Variants in CDH23 observed in about 807,000 individuals in gnomAD.
The protein encoded by CDH23 is cadherin related 23.
A neutral mutation model predicts 317.1 loss-of-function variants in CDH23; 189 were observed. The observed-to-expected ratio is 0.60, with a 90% CI of 0.53 to 0.67. The LOEUF is 0.67. CDH23 is among the 30% of genes least tolerant of loss of function. The probability of loss-of-function intolerance (pLI) is 0.00; values close to 1 mark genes in which losing one functional copy is unlikely to be tolerated. For synonymous variants in CDH23, 1,839 were observed against 1,876.8 expected, an observed-to-expected ratio of 0.98 and a Z score of 0.52; for missense variants, 4,401 against 4,592.4, an observed-to-expected ratio of 0.96 and a Z score of 1.20.
intron 3 of CDH23, among the ~76,000 whole-genome samples, chr10:71,453,940 A>G (rs1850569053): frequency 1.3e-5 from 2 of 152,230 alleles, no homozygotes; most frequent in African/African-American, 4.8e-5. Context: ...CTACGAAAAA[A>G]AATATAGGGG....
At chr10:71,715,817 G>A in intron 28 of CDH23, 5 of 992,068 alleles carry the variant, frequency 5.0e-6, no homozygotes, top group Non-Finnish European at 7.0e-6. Flanking sequence ...CGGGGGGTGA[G>A]TGTGTGTCCC....
Position 71,797,176 on chromosome 10 carries a change from A to G in CDH23, c.6785A>G (p.Asp2262Gly). 1 of 1,613,608 alleles carries G rather than the reference A, an allele frequency of 6.2e-7. No homozygotes were observed. The highest frequency in any genetic ancestry group is 8.5e-7 in the Non-Finnish European group (1 of 1,179,736). ...TATGAGGTCACTCTCTCAGTGATTGACAATGCCAGCGACCTACCAGAGCGC... is the reference window on the plus strand; with the variant it reads ...TATGAGGTCACTCTCTCAGTGATTGGCAATGCCAGCGACCTACCAGAGCGC... ...ATYEVTLSVI[D>G]NASDLPERSV... is the part of the protein sequence containing the mutation. Residue 2262 changes from aspartate to glycine, a missense_variant, in exon 49 of 70, where the codon GAC (aspartate) becomes GGC (glycine). By Grantham distance (94) the Asp-to-Gly change is moderately conservative (BLOSUM62 -1). Around this residue, in one of 3 missense-constraint regions of CDH23, gnomAD observed 3,068 missense variants for 3,203.3 expected, o/e 0.96. Transcript: ENST00000224721.
rs1864694073 is a variant in CDH23, at chr10:71,682,478, A to G, written c.1892A>G (p.Gln631Arg). ...ISVSRPLDYE[Q>R]ISNGLIYLTV... is the part of the protein sequence containing the mutation. The stretch of plus-strand genomic sequence containing the variant: ...GTCAGTCGCCCCCTGGATTATGAAC[A>G]GATATCCAATGGGCTGATTTATCTG... Residue 631 changes from glutamine to arginine, a missense_variant, in exon 18 of 70, where the codon CAG becomes CGG. By Grantham distance (43) the Gln-to-Arg change is conservative. Coordinates refer to ENST00000224721, the MANE Select transcript of CDH23 (RefSeq NM_022124.6). 9.9e-6 allele frequency: 16 copies of G among 1,612,870 alleles called. No individual in the cohort carries two copies. The highest frequency in any genetic ancestry group is 1.4e-5 in the Non-Finnish European group (16 of 1,179,426).
intron 12 of CDH23, 97 bp from the exon 13 acceptor site, chr10:71,645,734 C>G (rs1434438113): frequency 5.7e-6 from 8 of 1,412,146 alleles, no homozygotes; most frequent in Non-Finnish European, 8.0e-6. Context: ...CAAAGCAGCT[C>G]TGGGCTCACT....
At chr10:71,556,288 T>C (rs985151647) in intron 6 of CDH23, among the ~76,000 whole-genome samples, 1 of 151,984 alleles carries the variant, frequency 6.6e-6, no homozygotes, top group Non-Finnish European at 1.5e-5. Flanking sequence ...TCAGGATCCA[T>C]TGCAGGGGGC....
intron 38 of CDH23, among the ~76,000 whole-genome samples, chr10:71,760,321 A>ATG (rs1840345851): frequency 6.8e-6 from 1 of 146,912 alleles, no homozygotes; most frequent in Admixed American, 6.9e-5. Context: ...ACACATATAT[A>ATG]TATATATATA....
chr10:71,775,446 C>G (rs373923176), intron 38 of CDH23, among the ~76,000 whole-genome samples: 9 of 152,340 alleles, frequency 5.9e-5, no homozygotes, highest in East Asian at 3.9e-4. Flanking sequence ...TTCCCTCCCC[C>G]CTTTTCACTT....
chr10:71,439,559 G>C (rs1178734725), intron 1 of CDH23, among the ~76,000 whole-genome samples: 1 of 152,176 alleles, frequency 6.6e-6, no homozygotes, highest in East Asian at 1.9e-4. Flanking sequence ...AGTCCCCCAG[G>C]AGGGCAAAGA....
chr10:71,677,854 C>T (rs771256616), intron 16 of CDH23, among the ~76,000 whole-genome samples, 161 bp downstream of exon 16: 13 of 152,166 alleles, frequency 8.5e-5, no homozygotes, highest in Non-Finnish European at 1.6e-4. Context: ...CGGCCCCAAA[C>T]TCCTGGGCTC....
chr10:71,697,926 G>C (rs1865454607), intron 22 of CDH23, among the ~76,000 whole-genome samples: 1 of 152,218 alleles, frequency 6.6e-6, no homozygotes, highest in South Asian at 2.1e-4. Flanking sequence ...TGGTGCCCCA[G>C]GGTAGTATTT....
chr10:71,683,525 C>T (rs774275612), intron 18 of CDH23, among the ~76,000 whole-genome samples: 3 of 152,172 alleles, frequency 2.0e-5, no homozygotes, highest in Non-Finnish European at 4.4e-5. Flanking sequence ...AGCGGAAAGG[C>T]CATTGTCTGG....
In CDH23 at chr10:71,715,893, G is replaced by T. The variant is rs1866195243; in HGVS notation, c.3369+3080G>T. On this transcript the variant is annotated intron_variant, in intron 28 of 69. Coordinates refer to ENST00000224721, the MANE Select transcript of CDH23 (RefSeq NM_022124.6). ...GGTCTCTGAAGCAGGAGGATCTACAGGTAGACCTAGGGGGATGTGGGGGCA... is the reference window on the plus strand; with the variant it reads ...GGTCTCTGAAGCAGGAGGATCTACATGTAGACCTAGGGGGATGTGGGGGCA... 4 of 1,431,948 alleles carry T rather than the reference G, an allele frequency of 2.8e-6. No homozygotes were observed. In the East Asian group the frequency reaches 1.1e-4, roughly 38 times the overall value. The allele number at this position is 1,431,948 out of a possible 1,614,324, so 88.7% of individuals were successfully genotyped here.
chr10:71,741,678 C>T lies in CDH23; in HGVS notation c.4618-16C>T. 3 of 1,592,920 alleles carry T rather than the reference C, an allele frequency of 1.9e-6. No individual in the cohort carries two copies. The highest frequency in any genetic ancestry group is 1.1e-5 in the South Asian group (1 of 87,900). ...GCCTTGAGTCCAGAATGACTGCTCT[C>T]CTGCTCTCCTCCCAGAACGTGGGTG... On this transcript the variant is annotated splice_polypyrimidine_tract_variant and intron_variant, in intron 37 of 69. Transcript: ENST00000224721.
chr10:71,814,136 T>C (rs774411026), intron 69 of CDH23, among the ~76,000 whole-genome samples: 3 of 152,222 alleles, frequency 2.0e-5, no homozygotes, highest in Non-Finnish European at 2.9e-5. Context: ...GCTTGTCCTA[T>C]TGACACTTTC....
intron 34 of CDH23, 68 bp downstream of exon 34, chr10:71,734,726 T>C (rs1162171389): frequency 2.8e-6 from 3 of 1,075,640 alleles, no homozygotes; most frequent in Non-Finnish European, 4.0e-6. Flanking sequence ...GGGCTCTGCC[T>C]GGCCCTGGAC....
At chr10:71,424,500 C>T (rs948705334) in intron 1 of CDH23, among the ~76,000 whole-genome samples, 2 of 152,210 alleles carry the variant, frequency 1.3e-5, no homozygotes, top group African/African-American at 2.4e-5. Flanking sequence ...TGTTAGAGAG[C>T]GTGTGCCTTG....
chr10:71,744,777 C>G (rs1839815142), intron 38 of CDH23, among the ~76,000 whole-genome samples: 1 of 152,186 alleles, frequency 6.6e-6, no homozygotes, highest in East Asian at 1.9e-4. Flanking sequence ...GACCAGGGAC[C>G]CTGAGGCCAT....
At chr10:71,759,850 TAC>T (rs1191692110) in intron 38 of CDH23, among the ~76,000 whole-genome samples, 176 of 12,716 alleles carry the variant, frequency 0.014, 24 homozygotes, top group Middle Eastern at 0.11. Flanking sequence ...CACACACATA[TAC>T]ACACACACAC....
Position 71,800,696 on chromosome 10 carries a change from G to A in CDH23, c.7423G>A (p.Ala2475Thr). Residue 2475 changes from alanine (A) to threonine (T), a missense_variant, in exon 53 of 70, where the codon GCC becomes ACC. Physicochemically the swap from Ala to Thr is moderately conservative, Grantham distance 58. Transcript: ENST00000224721. ...REKKDHYILT[A>T]LAKDNPGDVA... ...GAAGAAGGACCACTATATCCTGACT[G>A]CCTTGGCCAAAGACAACCCTGGGGA... is the stretch of plus-strand genomic sequence containing the variant. 6.2e-7 allele frequency: 1 copy of A among 1,613,968 alleles called. No individual in the cohort carries two copies.
Sources: allele counts gnomAD v4.1 joint callset (sites outside exome capture counted in the v4.1 genomes callset), GRCh38; gene constraint gnomAD v4.1.1; regional missense constraint gnomAD v4.1.1; transcripts MANE v1.5; gene names NCBI Gene and HGNC (gene_info 2026-07-23, HGNC 2026-07-21).